The following EBF1 variants were observed in gnomAD, a reference collection of about 807,000 sequenced individuals.
EBF1 encodes EBF transcription factor 1.
A neutral mutation model predicts 68.4 loss-of-function variants in EBF1; 10 were observed. The observed-to-expected ratio is 0.15, with a 90% CI of 0.09 to 0.25. The LOEUF is 0.25. Ranked by LOEUF, EBF1 falls within the 10% of genes least tolerant of loss-of-function variation. The pLI, the probability that EBF1 is intolerant of heterozygous loss-of-function variation, is 1.00. For synonymous variants in EBF1, 298 were observed against 299.8 expected (o/e 0.99, Z 0.06); for missense variants, 509 against 794.4 (o/e 0.64, Z 4.32).
At chr5:158,709,199 T>C (rs1758588876) in intron 14 of EBF1, among the ~76,000 whole-genome samples, 1 of 152,276 alleles carries the variant, frequency 6.6e-6, no homozygotes, top group Non-Finnish European at 1.5e-5. Flanking sequence ...TAGATATTTC[T>C]TCTATGTTAT....
chr5:158,765,652 G>A (rs566226297), intron 10 of EBF1, among the ~76,000 whole-genome samples: 1 of 152,242 alleles, frequency 6.6e-6, no homozygotes, highest in Non-Finnish European at 1.5e-5. Context: ...GTGGGTATGA[G>A]GGGAAGTCGC....
At chr5:158,954,278 C>G (rs1816624794) in intron 6 of EBF1, among the ~76,000 whole-genome samples, 1 of 152,164 alleles carries the variant, frequency 6.6e-6, no homozygotes, top group Non-Finnish European at 1.5e-5. Context: ...AGTTAAATGA[C>G]AGTATGGCAG....
intron 10 of EBF1, among the ~76,000 whole-genome samples, chr5:158,763,624 T>C (rs1411929716): frequency 6.6e-6 from 1 of 152,186 alleles, no homozygotes; most frequent in African/African-American, 2.4e-5. Flanking sequence ...TAAGCGTCTA[T>C]ACCACCTCAC....
At chr5:158,815,671 T>G (rs548667288) in intron 8 of EBF1, among the ~76,000 whole-genome samples, 1 of 152,164 alleles carries the variant, frequency 6.6e-6, no homozygotes, top group Non-Finnish European at 1.5e-5. Flanking sequence ...GAGCAGAACA[T>G]AGATCACCTG....
intron 6 of EBF1, among the ~76,000 whole-genome samples, chr5:159,071,128 G>A (rs1777719015): frequency 6.6e-6 from 1 of 152,126 alleles, no homozygotes; most frequent in Non-Finnish European, 1.5e-5. Flanking sequence ...GCAGCCTGAA[G>A]GACAAATAAA....
At chr5:158,837,961 A>C (rs1162805281) in intron 7 of EBF1, among the ~76,000 whole-genome samples, 1 of 152,232 alleles carries the variant, frequency 6.6e-6, no homozygotes, top group East Asian at 1.9e-4. Context: ...GCTACAAAAC[A>C]GTTTATTCCA....
At chr5:159,040,449 G>A (rs969202492) in intron 6 of EBF1, among the ~76,000 whole-genome samples, 2 of 152,078 alleles carry the variant, frequency 1.3e-5, no homozygotes, top group African/African-American at 2.4e-5. Context: ...AGTTGGCAGT[G>A]GCCTATCTTG....
intron 6 of EBF1, among the ~76,000 whole-genome samples, chr5:158,897,320 A>G (rs1802367995): frequency 6.6e-6 from 1 of 152,140 alleles, no homozygotes; most frequent in African/African-American, 2.4e-5. Context: ...CAAAACAGAA[A>G]ACCAAATACT....
chr5:158,712,052 G>T, intron 14 of EBF1, 102 bp downstream of exon 14: 1 of 1,387,406 alleles, frequency 7.2e-7, no homozygotes. Context: ...GGGAAAGATG[G>T]GGGGCCTCAG....
intron 10 of EBF1, among the ~76,000 whole-genome samples, chr5:158,756,943 T>G (rs571252786): frequency 6.6e-6 from 1 of 150,842 alleles, no homozygotes; most frequent in East Asian, 2.0e-4. Flanking sequence ...GTGGAGCCTT[T>G]CTGTAAAATA....
rs181901067 is a variant in EBF1, at chr5:158,809,033, A to G, written c.779-12558T>C. 1.2e-3 allele frequency among the ~76,000 whole-genome samples: 177 copies of G among 152,202 alleles called. 1 individual carries two copies. Among genetic ancestry groups the G allele is most frequent in the African/African-American group, 3.8e-3 (158 of 41,546 alleles). On this transcript the variant is annotated intron_variant, in intron 8 of 15. Transcript: ENST00000313708. ...CTTTTCCTTGAACTCATCTTGATAT[A>G]TGCATGTGTTTATAGCTGGGCATGT...
intron 9 of EBF1, among the ~76,000 whole-genome samples, chr5:158,792,568 A>C (rs981319449): frequency 3.9e-5 from 6 of 152,188 alleles, no homozygotes; most frequent in African/African-American, 4.8e-5. Context: ...CACTTGTCCT[A>C]GCCTGCCAGC....
At chr5:159,004,529 AGGT>A (rs1763177939) in intron 6 of EBF1, among the ~76,000 whole-genome samples, 2 of 111,520 alleles carry the variant, frequency 1.8e-5, no homozygotes, top group Non-Finnish European at 4.1e-5. Flanking sequence ...AAAGACAGAG[AGGT>A]AGTAGGTAGG....
At chr5:158,996,489 A>G (rs1761443235) in intron 6 of EBF1, among the ~76,000 whole-genome samples, 1 of 152,188 alleles carries the variant, frequency 6.6e-6, no homozygotes, top group African/African-American at 2.4e-5. Context: ...ACTTTCTTCA[A>G]ATTTGGTTTC....
chr5:158,825,773 T>G (rs1026137777), intron 7 of EBF1, among the ~76,000 whole-genome samples: 5 of 152,078 alleles, frequency 3.3e-5, no homozygotes. Flanking sequence ...TACTTTTAAT[T>G]TCTAGAAAAT....
chr5:159,068,802 T>C (rs1777308726), intron 6 of EBF1, among the ~76,000 whole-genome samples: 1 of 152,146 alleles, frequency 6.6e-6, no homozygotes, highest in African/African-American at 2.4e-5. Flanking sequence ...TAGACAAATC[T>C]GGAAAAAAGA....
At chr5:159,085,873 C>T (rs1417560320) in intron 4 of EBF1, among the ~76,000 whole-genome samples, 1 of 152,012 alleles carries the variant, frequency 6.6e-6, no homozygotes, top group Non-Finnish European at 1.5e-5. Flanking sequence ...CTTTCAGAAC[C>T]TGTAAATGAT....
chr5:159,089,110 G>A (rs1781196317), intron 4 of EBF1, among the ~76,000 whole-genome samples: 1 of 152,070 alleles, frequency 6.6e-6, no homozygotes, highest in African/African-American at 2.4e-5. Flanking sequence ...CTTTTCTGCT[G>A]TCATACTCTA....
chr5:158,892,000 C>A (rs56339447), intron 6 of EBF1, among the ~76,000 whole-genome samples: 8,227 of 152,266 alleles, frequency 0.054, 290 homozygotes, highest in Non-Finnish European at 0.071. Flanking sequence ...TTATGGATTT[C>A]ATCCACAATT....
Sources: allele counts gnomAD v4.1 joint callset (sites outside exome capture counted in the v4.1 genomes callset), GRCh38; gene constraint gnomAD v4.1.1; transcripts MANE v1.5; gene names NCBI Gene and HGNC (gene_info 2026-07-23, HGNC 2026-07-21).